THEMIS: variants seen among roughly 807,000 people sequenced by gnomAD.
The protein encoded by THEMIS is protein THEMIS.
THEMIS carries 37 observed loss-of-function variants against 52.6 expected under a neutral mutation model. That is an observed-to-expected ratio of 0.70 (90% CI 0.54 to 0.93). The LOEUF is 0.93. Among genes scored for constraint, THEMIS ranks in the 40% least tolerant of loss-of-function variants. The probability of loss-of-function intolerance (pLI) is 0.00; values close to 1 mark genes in which losing one functional copy is unlikely to be tolerated. For synonymous variants in THEMIS, 292 were observed against 272.7 expected (o/e 1.07, Z -0.70); for missense variants, 808 against 763.1 (o/e 1.06, Z -0.69).
intron 3 of THEMIS, among the ~76,000 whole-genome samples, chr6:127,817,831 T>C (rs269994): frequency 0.93 from 141,314 of 152,194 alleles, 65,782 homozygotes; most frequent in East Asian, 0.99. Context: ...GGTTGGGGAG[T>C]ATGTTTAGGA....
intron 4 of THEMIS, among the ~76,000 whole-genome samples, chr6:127,767,099 G>GA (rs1776225468): frequency 6.8e-6 from 1 of 147,692 alleles, no homozygotes; most frequent in South Asian, 2.1e-4. Flanking sequence ...CTTTTTTTTT[G>GA]TTTTTTTTTG....
chr6:127,706,695 G>A (rs1773804777), downstream of THEMIS, among the ~76,000 whole-genome samples: 1 of 152,110 alleles, frequency 6.6e-6, no homozygotes, highest in Admixed American at 6.6e-5. Context: ...GAGATAGAAA[G>A]ACCAATAAGA....
intron 3 of THEMIS, among the ~76,000 whole-genome samples, chr6:127,823,356 G>T (rs145094837): frequency 6.6e-6 from 1 of 152,202 alleles, no homozygotes; most frequent in East Asian, 1.9e-4. Flanking sequence ...GTACCATGAA[G>T]TTCATATTTT....
chr6:127,888,716 T>A (rs930226224), intron 1 of THEMIS, among the ~76,000 whole-genome samples: 4 of 152,116 alleles, frequency 2.6e-5, no homozygotes, highest in Admixed American at 1.3e-4. Context: ...GCCAAATTTT[T>A]AAATCAACAC....
At chr6:127,704,263 T>C (rs564813200), downstream of THEMIS, among the ~76,000 whole-genome samples, 9 of 152,254 alleles carry the variant, frequency 5.9e-5, no homozygotes, top group African/African-American at 1.7e-4. Flanking sequence ...CTCTGAATCA[T>C]GTATGAGGTA....
chr6:127,775,893 C>T (rs575117739), intron 4 of THEMIS, among the ~76,000 whole-genome samples: 103 of 152,154 alleles, frequency 6.8e-4, no homozygotes, highest in African/African-American at 2.4e-3. Context: ...ATTACAAATA[C>T]AAGCACTTTG....
At chr6:127,815,919 G>A (rs1367583805) in intron 3 of THEMIS, among the ~76,000 whole-genome samples, 2 of 152,150 alleles carry the variant, frequency 1.3e-5, no homozygotes, top group Non-Finnish European at 2.9e-5. Flanking sequence ...TTTGTACATG[G>A]TGGGTGCTGT....
At chr6:127,825,789 G>T (rs187507812) in intron 3 of THEMIS, among the ~76,000 whole-genome samples, 2 of 152,098 alleles carry the variant, frequency 1.3e-5, no homozygotes, top group Non-Finnish European at 2.9e-5. Context: ...TGATAGTTTG[G>T]GTTCTTTGAA....
chr6:127,815,981 C>G (rs966489357), intron 3 of THEMIS, among the ~76,000 whole-genome samples: 4 of 152,136 alleles, frequency 2.6e-5, no homozygotes, highest in African/African-American at 9.7e-5. Context: ...GCTGGAGAAA[C>G]CCTACAGGCC....
Position 127,813,581 on chromosome 6 carries a change from C to G in THEMIS, c.1060G>C (p.Asp354His), listed in dbSNP as rs748436522. 38 of 1,613,982 alleles carry G rather than the reference C, an allele frequency of 2.4e-5. No individual in the cohort carries two copies. Among genetic ancestry groups the G allele is most frequent in the Middle Eastern group, 1.6e-4 (1 of 6,080 alleles). ...TTTTCACTCTTAGCGATCTCTAGGTCATAGGCCGTTGGGAACTCCCTCGGT... is the reference window on the plus strand; with the variant it reads ...TTTTCACTCTTAGCGATCTCTAGGTGATAGGCCGTTGGGAACTCCCTCGGT... ...RRPREFPTAY[D>H]LEIAKSEKEP... Residue 354 changes from aspartate to histidine, a missense_variant, in exon 4 of 6, where the codon GAC becomes CAC. Transcript: ENST00000368248.
intron 4 of THEMIS, among the ~76,000 whole-genome samples, chr6:127,793,742 C>A (rs549660174): frequency 4.1e-4 from 63 of 152,230 alleles, no homozygotes; most frequent in Non-Finnish European, 7.9e-4. Flanking sequence ...ACTTAACTGG[C>A]CAGTGCATAA....
At chr6:127,790,400 A>G (rs1169640059) in intron 4 of THEMIS, among the ~76,000 whole-genome samples, 1 of 152,242 alleles carries the variant, frequency 6.6e-6, no homozygotes, top group Non-Finnish European at 1.5e-5. Flanking sequence ...CCTGATCACA[A>G]TTCCTTTCAC....
chr6:127,862,676 T>C (rs1368798491), intron 1 of THEMIS, among the ~76,000 whole-genome samples: 1 of 151,766 alleles, frequency 6.6e-6, no homozygotes, highest in Non-Finnish European at 1.5e-5. Flanking sequence ...CACCTCGGCC[T>C]CCCAAAGTGC....
At chr6:127,812,205 C>T (rs948498903) in intron 4 of THEMIS, among the ~76,000 whole-genome samples, 2 of 152,144 alleles carry the variant, frequency 1.3e-5, no homozygotes, top group Non-Finnish European at 2.9e-5. Context: ...GAGGCAAAGA[C>T]CTCAAGTGGA....
intron 4 of THEMIS, among the ~76,000 whole-genome samples, chr6:127,780,186 T>A (rs1776697297): frequency 6.6e-6 from 1 of 152,236 alleles, no homozygotes; most frequent in African/African-American, 2.4e-5. Flanking sequence ...TTTGTTGGTT[T>A]AAAGTCTGTT....
At chr6:127,775,160 A>T (rs1231851295) in intron 4 of THEMIS, among the ~76,000 whole-genome samples, 1 of 152,148 alleles carries the variant, frequency 6.6e-6, no homozygotes, top group Non-Finnish European at 1.5e-5. Flanking sequence ...GCAGCACACC[A>T]TGAACTCTTT....
At chr6:127,702,900 C>G in the THEMIS span, among the ~76,000 whole-genome samples, 2 of 151,946 alleles carry the variant, frequency 1.3e-5, no homozygotes, top group Non-Finnish European at 2.9e-5. Flanking sequence ...GAAAGACCTG[C>G]CCCCATGATT....
chr6:127,885,081 G>A (rs1180558526), intron 1 of THEMIS, among the ~76,000 whole-genome samples: 1 of 152,040 alleles, frequency 6.6e-6, no homozygotes, highest in African/African-American at 2.4e-5. Context: ...AAATTGGAGT[G>A]GGGGAGAATA....
Position 127,782,222 on chromosome 6 carries a change from AC to A in THEMIS, c.1758+30660del, listed in dbSNP as rs776488698. ...CGAGAATTTCAAGCCAGTGGATGTT[AC>A]CTTTTTGGGCTCCATGGGGGTGGGA... On this transcript the variant is annotated intron_variant, in intron 4 of 5. Transcript: ENST00000368248. Among the ~76,000 whole-genome samples the A allele has an allele frequency of 1.1e-4, 17 of 152,154 alleles. No individual in the cohort carries two copies. The East Asian group carries it at 2.9e-3, about 26-fold the overall frequency.
Sources: gnomAD v4.1 joint callset for allele counts (sites outside exome capture counted in the v4.1 genomes callset) on GRCh38, gnomAD v4.1.1 for gene constraint, MANE v1.5 for transcripts, NCBI Gene and HGNC (gene_info 2026-07-23, HGNC 2026-07-21) for gene names.